The following PACRG variants were observed in gnomAD, a reference collection of about 807,000 sequenced individuals.
The protein encoded by PACRG is parkin coregulated gene protein.
Under a neutral mutation model 29.7 loss-of-function variants are expected in PACRG, and 29 were observed. The observed-to-expected ratio is 0.98, with a 90% CI of 0.73 to 1.33. PACRG has a LOEUF of 1.33. Among genes scored for constraint, PACRG ranks in the 40% most tolerant of loss-of-function variants. The probability of loss-of-function intolerance (pLI) is 0.00; values close to 1 mark genes in which losing one functional copy is unlikely to be tolerated. For missense variants in PACRG, 279 were observed against 316.2 expected (o/e 0.88, Z 0.89); for synonymous variants, 116 against 118.7 (o/e 0.98, Z 0.15).
intron 4 of PACRG, among the ~76,000 whole-genome samples, chr6:163,122,734 C>T (rs1261085108): frequency 2.6e-5 from 4 of 152,166 alleles, no homozygotes; most frequent in East Asian, 1.9e-4. Flanking sequence ...TATTTTATAG[C>T]AACACAAGTG....
intron 1 of PACRG, among the ~76,000 whole-genome samples, chr6:162,735,680 G>A (rs1272418446): frequency 6.6e-6 from 1 of 152,128 alleles, no homozygotes; most frequent in Non-Finnish European, 1.5e-5. Context: ...TGCAACTACA[G>A]TTACCCACTC....
intron 2 of PACRG, among the ~76,000 whole-genome samples, chr6:162,852,398 C>T (rs1790995377): frequency 6.6e-6 from 1 of 152,200 alleles, no homozygotes; most frequent in Non-Finnish European, 1.5e-5. Flanking sequence ...AGCAGCAGAA[C>T]CCCCAGCGCA....
chr6:163,063,767 A>G (rs1811293766), intron 3 of PACRG, among the ~76,000 whole-genome samples: 1 of 152,174 alleles, frequency 6.6e-6, no homozygotes, highest in South Asian at 2.1e-4. Flanking sequence ...CGAGTAACAC[A>G]GAGAGAAAAG....
rs142499642 is a variant in PACRG at position 162,957,005 on chromosome 6, A to T, written c.292-105145A>T. On this transcript the variant is annotated intron_variant, in intron 2 of 4. Coordinates refer to ENST00000366888, the MANE Select transcript of PACRG (RefSeq NM_001080379.2). The stretch of plus-strand genomic sequence containing the variant: ...TAAATCTCACCTGATCTTTTTAGAA[A>T]CACAAATACTTACCTTTTTGTCAGT... 3.8e-3 allele frequency among the ~76,000 whole-genome samples: 584 copies of T among 152,122 alleles called. 5 individuals are homozygous for T. The highest frequency in any genetic ancestry group is 0.013 in the African/African-American group (534 of 41,490).
At chr6:162,938,154 GT>G (rs949158296) in intron 2 of PACRG, among the ~76,000 whole-genome samples, 2 of 152,094 alleles carry the variant, frequency 1.3e-5, no homozygotes, top group African/African-American at 4.8e-5. Flanking sequence ...ACAATGTTTG[GT>G]TTTCCATTCC....
intron 2 of PACRG, among the ~76,000 whole-genome samples, chr6:162,974,436 A>C (rs1235450737): frequency 1.3e-5 from 2 of 152,214 alleles, no homozygotes; most frequent in African/African-American, 4.8e-5. Flanking sequence ...TACTGTCATC[A>C]CAAATTACTT....
chr6:163,207,183 G>C (rs963072419), intron 4 of PACRG, among the ~76,000 whole-genome samples: 1 of 152,166 alleles, frequency 6.6e-6, no homozygotes, highest in East Asian at 1.9e-4. Flanking sequence ...TCTGGTCCCA[G>C]TGGTATTTAT....
intron 4 of PACRG, among the ~76,000 whole-genome samples, chr6:163,109,413 C>T (rs1451923054): frequency 6.6e-6 from 1 of 152,204 alleles, no homozygotes; most frequent in Non-Finnish European, 1.5e-5. Context: ...AAAATTACAT[C>T]TGTTGTCTCA....
intron 1 of PACRG, among the ~76,000 whole-genome samples, chr6:162,758,532 T>C (rs1415895255): frequency 6.6e-6 from 1 of 152,184 alleles, no homozygotes; most frequent in African/African-American, 2.4e-5. Context: ...TTTTTGTAGA[T>C]AAAAATATGT....
In PACRG at chr6:162,814,276, T is replaced by C; in HGVS notation, c.286T>C (p.Trp96Arg). 3.1e-6 allele frequency: 5 copies of C among 1,613,628 alleles called. No individual in the cohort carries two copies. Among genetic ancestry groups the C allele is most frequent in the Non-Finnish European group, 4.2e-6 (5 of 1,179,668 alleles). The change falls in exon 2 of 5, where the codon TGG (tryptophan) becomes CGG (arginine). Residue 96 changes from tryptophan to arginine, a missense_variant. Transcript: ENST00000366888. ...TGATTCGAAAGGAAACAAAATCGCC[T>C]GGAAGGTAAGTCAGGGCACAGCTGT... ...EHDSKGNKIA[W>R]KVEIEKLDYH...
chr6:162,732,556 C>T (rs1304018268), intron 1 of PACRG, among the ~76,000 whole-genome samples: 2 of 152,118 alleles, frequency 1.3e-5, no homozygotes, highest in African/African-American at 2.4e-5. Context: ...TGTCTAGCTC[C>T]AGTGCTAAAT....
rs58333018 is a variant in PACRG at position 163,274,861 on chromosome 6, C to CTTTTTTTTTTT, written c.614-39960_614-39950dup. On this transcript the variant is annotated intron_variant, in intron 4 of 4. Transcript: ENST00000366888. Reference sequence around the variant, plus strand: ...TTCTTTTTCTTTTCTTTCTTTCTTTCTTTTTTTTTTTTTTTTGAGATAGAG... The same window carrying CTTTTTTTTTTT: ...TTCTTTTTCTTTTCTTTCTTTCTTTCTTTTTTTTTTTTTTTTTTTTTTTTTTTGAGATAGAG... Among the ~76,000 whole-genome samples the CTTTTTTTTTTT allele has an allele frequency of 2.9e-4, 37 of 126,314 alleles. 2 individuals are homozygous for CTTTTTTTTTTT. The highest frequency in any genetic ancestry group is 4.5e-4 in the Non-Finnish European group (28 of 62,110). 82.9% of individuals were successfully genotyped at this position (126,314 alleles called of 152,430 possible).
chr6:163,156,853 C>G (rs1778342191), intron 4 of PACRG, among the ~76,000 whole-genome samples: 1 of 152,106 alleles, frequency 6.6e-6, no homozygotes, highest in South Asian at 2.1e-4. Context: ...GACCGTTTTT[C>G]GTGTCATCTC....
At chr6:162,907,990 A>G (rs1224922616) in intron 2 of PACRG, among the ~76,000 whole-genome samples, 4 of 152,168 alleles carry the variant, frequency 2.6e-5, no homozygotes, top group Non-Finnish European at 5.9e-5. Context: ...ATATTGCAAC[A>G]AAAGGACAAC....
At chr6:163,295,420 G>C (rs966773923) in intron 4 of PACRG, among the ~76,000 whole-genome samples, 17 of 152,148 alleles carry the variant, frequency 1.1e-4, no homozygotes, top group Admixed American at 9.2e-4. Context: ...GACTGTAAGG[G>C]AAACAGCCGA....
At chr6:162,860,559 AT>A (rs146516442) in intron 2 of PACRG, among the ~76,000 whole-genome samples, 1,788 of 152,304 alleles carry the variant, frequency 0.012, 38 homozygotes, top group African/African-American at 0.041. Flanking sequence ...AGTTAAAATC[AT>A]TGTGGCTATT....
At chr6:162,816,825 G>A (rs1003031250) in intron 2 of PACRG, among the ~76,000 whole-genome samples, 3 of 152,050 alleles carry the variant, frequency 2.0e-5, no homozygotes, top group African/African-American at 7.2e-5. Context: ...AGGGCGATCC[G>A]TCCCCCACAA....
chr6:163,083,718 G>A (rs1380473915), intron 3 of PACRG, among the ~76,000 whole-genome samples: 2 of 152,138 alleles, frequency 1.3e-5, no homozygotes, highest in Non-Finnish European at 1.5e-5. Flanking sequence ...TTATTGGGTT[G>A]TGATAGCTAT....
chr6:163,031,208 C>T (rs943575272), intron 2 of PACRG, among the ~76,000 whole-genome samples: 11 of 152,162 alleles, frequency 7.2e-5, no homozygotes, highest in Non-Finnish European at 1.3e-4. Flanking sequence ...TCAAAGAGTA[C>T]AGCAGCAATA....
Sources: allele counts gnomAD v4.1 joint callset (sites outside exome capture counted in the v4.1 genomes callset), GRCh38; gene constraint gnomAD v4.1.1; transcripts MANE v1.5; gene names NCBI Gene and HGNC (gene_info 2026-07-23, HGNC 2026-07-21).